RAB3GAP2: variants seen among roughly 807,000 people sequenced by gnomAD.
RAB3GAP2 encodes the protein RAB3 GTPase activating non-catalytic protein subunit 2.
A neutral mutation model predicts 185.3 loss-of-function variants in RAB3GAP2; 87 were observed. The observed-to-expected ratio is 0.47, with a 90% CI of 0.39 to 0.56. The LOEUF is 0.56. Among genes scored for constraint, RAB3GAP2 ranks in the 20% least tolerant of loss-of-function variants. The probability of loss-of-function intolerance (pLI) is 0.00; values close to 1 mark genes in which losing one functional copy is unlikely to be tolerated. For missense variants in RAB3GAP2, 1,492 were observed against 1,638.2 expected (o/e 0.91, Z 1.54); for synonymous variants, 554 against 576.1 (o/e 0.96, Z 0.55).
chr1:220,254,553 A>C (rs1372476179), intron 1 of RAB3GAP2: 87 of 1,602,830 alleles, frequency 5.4e-5, no homozygotes, highest in Admixed American at 8.3e-5. Flanking sequence ...AGGCACTCTC[A>C]CTCACTTATG....
intron 4 of RAB3GAP2, among the ~76,000 whole-genome samples, chr1:220,212,562 T>C (rs2102881201): frequency 6.6e-6 from 1 of 152,226 alleles, no homozygotes; most frequent in South Asian, 2.1e-4. Context: ...GGCATGATCA[T>C]AGCTCACTGC....
At chr1:220,232,522 A>G (rs1659519909) in intron 2 of RAB3GAP2, among the ~76,000 whole-genome samples, 1 of 152,234 alleles carries the variant, frequency 6.6e-6, no homozygotes, top group Admixed American at 6.5e-5. Context: ...GGACTTCCCA[A>G]CATCCAGAAC....
chr1:220,224,932 G>T (rs147823750), intron 2 of RAB3GAP2, among the ~76,000 whole-genome samples: 70 of 152,300 alleles, frequency 4.6e-4, no homozygotes, highest in African/African-American at 1.7e-3. Context: ...TTGGTTGCAA[G>T]TGTGTTTAAC....
intron 28 of RAB3GAP2, among the ~76,000 whole-genome samples, chr1:220,161,275 T>C (rs1488364312): frequency 6.6e-6 from 1 of 152,176 alleles, no homozygotes; most frequent in African/African-American, 2.4e-5. Flanking sequence ...AGCAGTGGCC[T>C]AAAGTTGGGT....
intron 24 of RAB3GAP2, among the ~76,000 whole-genome samples, chr1:220,169,378 A>C (rs1215547771): frequency 6.6e-6 from 1 of 152,232 alleles, no homozygotes; most frequent in Non-Finnish European, 1.5e-5. Flanking sequence ...GGACAGTAGA[A>C]AGTGATGCTT....
chr1:220,214,092 A>C (rs1659137728), intron 2 of RAB3GAP2, 113 bp from the exon 3 acceptor site: 1 of 1,054,338 alleles, frequency 9.5e-7, no homozygotes, highest in East Asian at 2.6e-5. Flanking sequence ...AAATATTTCC[A>C]ATTCTCATAC....
chr1:220,265,634 C>G (rs1399839624), intron 1 of RAB3GAP2, among the ~76,000 whole-genome samples: 1 of 152,058 alleles, frequency 6.6e-6, no homozygotes, highest in Non-Finnish European at 1.5e-5. Flanking sequence ...CCTGCAACTT[C>G]AAAGTAATAA....
At chr1:220,204,879 C>T (rs1571899584) in intron 8 of RAB3GAP2, among the ~76,000 whole-genome samples, 1 of 151,814 alleles carries the variant, frequency 6.6e-6, no homozygotes, top group East Asian at 1.9e-4. Flanking sequence ...GAATGGTTTC[C>T]AGTTTCATTC....
In RAB3GAP2 at chr1:220,217,598, C is replaced by G. The variant is rs187144035; in HGVS notation, c.181-3619G>C. On this transcript the variant is annotated intron_variant, in intron 2 of 34. Coordinates refer to ENST00000358951, the MANE Select transcript of RAB3GAP2 (RefSeq NM_012414.4). ...GATGAGACGCCCTCTGTTGGCAAAG[C>G]CTATGGCTTATATTATTTTTCACCT... 3.9e-5 allele frequency among the ~76,000 whole-genome samples: 6 copies of G among 152,030 alleles called. No individual in the cohort carries two copies. In the East Asian group the frequency reaches 1.2e-3, roughly 29 times the overall value.
At chr1:220,252,043 T>G (rs1402514149) in intron 1 of RAB3GAP2, among the ~76,000 whole-genome samples, 1 of 151,196 alleles carries the variant, frequency 6.6e-6, no homozygotes, top group Non-Finnish European at 1.5e-5. Flanking sequence ...TCCCAGTTAT[T>G]TGGGGAGGCT....
Position 220,195,065 on chromosome 1 carries a change from A to G in RAB3GAP2, c.1130+13T>C, listed in dbSNP as rs1272991350. ...CTAAAAGGACTAAAATTTGGGAAGC[A>G]TGACAGACTTGCCTTACAGCTAATG... On this transcript the variant is annotated intron_variant, in intron 12 of 34. Transcript: ENST00000358951. The G allele has an allele frequency of 1.9e-6, 3 of 1,612,884 alleles. No individual in the cohort carries two copies. The highest frequency in any genetic ancestry group is 2.5e-6 in the Non-Finnish European group (3 of 1,178,936).
intron 21 of RAB3GAP2, among the ~76,000 whole-genome samples, chr1:220,179,746 C>T (rs1463951476): frequency 2.0e-5 from 3 of 152,030 alleles, no homozygotes; most frequent in South Asian, 2.1e-4. Flanking sequence ...AGATATTAAA[C>T]GACATGCTAC....
chr1:220,198,620 C>T (rs1439729805), intron 9 of RAB3GAP2, among the ~76,000 whole-genome samples: 1 of 152,106 alleles, frequency 6.6e-6, no homozygotes, highest in Non-Finnish European at 1.5e-5. Flanking sequence ...ATTTGTATCT[C>T]AACGTTTTAT....
At chr1:220,188,509 T>C (rs1658547688) in intron 17 of RAB3GAP2, among the ~76,000 whole-genome samples, 1 of 152,068 alleles carries the variant, frequency 6.6e-6, no homozygotes, top group Non-Finnish European at 1.5e-5. Context: ...GACCATATTA[T>C]AACCACGAGC....
intron 30 of RAB3GAP2, 148 bp from the exon 31 acceptor site, chr1:220,157,636 T>G: frequency 9.3e-7 from 1 of 1,077,354 alleles, no homozygotes. Context: ...CTAATTTCAA[T>G]AAGAATTTAA....
chr1:220,200,694 G>A (rs1276029854), intron 9 of RAB3GAP2: 2 of 504,030 alleles, frequency 4.0e-6, no homozygotes, highest in African/African-American at 2.0e-5. Context: ...GCATTTTTAT[G>A]CTAGCAAAAA....
At position 220,148,616 on chromosome 1, in the gene RAB3GAP2, T is replaced by TAA. The variant is rs1030745045; in HGVS notation, c.*2633_*2634dup. 6 of 152,208 alleles carry TAA rather than the reference T, an allele frequency of 3.9e-5. No individual in the cohort carries two copies. Among genetic ancestry groups the TAA allele is most frequent in the African/African-American group, 1.4e-4 (6 of 41,468 alleles). 9.4% of individuals were successfully genotyped at this position (152,208 alleles called of 1,614,324 possible). A position where few individuals can be genotyped will look rare whatever the true frequency, so the allele number is the denominator to read the frequency against. ...TTCTAAATGAACATTATATTCAGTG[T>TAA]AAGTCTCATATTATTAAATTTCAGA... On this transcript the variant is annotated 3_prime_UTR_variant, in exon 35 of 35. Coordinates refer to ENST00000358951, the MANE Select transcript of RAB3GAP2 (RefSeq NM_012414.4).
chr1:220,256,305 G>C (rs1043823233), intron 1 of RAB3GAP2, among the ~76,000 whole-genome samples: 2 of 152,136 alleles, frequency 1.3e-5, no homozygotes, highest in Non-Finnish European at 2.9e-5. Context: ...CGAAAACACA[G>C]TGAAGTACAC....
At chr1:220,224,644 A>C (rs1659370937) in intron 2 of RAB3GAP2, among the ~76,000 whole-genome samples, 1 of 152,182 alleles carries the variant, frequency 6.6e-6, no homozygotes, top group African/African-American at 2.4e-5. Flanking sequence ...CAACAGTAAA[A>C]GAATTCTTTT....
Sources: gnomAD v4.1 joint callset for allele counts (sites outside exome capture counted in the v4.1 genomes callset) on GRCh38, gnomAD v4.1.1 for gene constraint, MANE v1.5 for transcripts, NCBI Gene and HGNC (gene_info 2026-07-23, HGNC 2026-07-21) for gene names.